The following BTD variants were observed in gnomAD, a reference collection of about 807,000 sequenced individuals.
BTD encodes the protein biotinidase, also known as biocytinase.
In BTD, 13 loss-of-function variants were observed where a neutral mutation model predicts 17.7. The observed-to-expected ratio is 0.74, with a 90% CI of 0.48 to 1.17. The LOEUF (loss-of-function observed/expected upper bound fraction) is 1.17, where lower values mean the gene tolerates loss of function less well. Ranked by LOEUF, BTD falls within the 50% of genes most tolerant of loss-of-function variation. The probability of loss-of-function intolerance (pLI) is 0.00; values close to 1 mark genes in which losing one functional copy is unlikely to be tolerated. For synonymous variants in BTD, 240 were observed against 245.2 expected, an observed-to-expected ratio of 0.98 and a Z score of 0.20; for missense variants, 674 against 650.4, an observed-to-expected ratio of 1.04 and a Z score of -0.39.
At chr3:15,703,958 C>T (rs1458288345) in intron 3 of BTD, among the ~76,000 whole-genome samples, 1 of 152,082 alleles carries the variant, frequency 6.6e-6, no homozygotes, top group Non-Finnish European at 1.5e-5. Context: ...TGATGGTTAT[C>T]TCAGGAGAGC....
downstream of BTD, among the ~76,000 whole-genome samples, chr3:15,658,527 AT>A (rs58540376): frequency 0.64 from 96,119 of 150,900 alleles, 31,218 homozygotes; most frequent in East Asian, 0.77. Flanking sequence ...CTTCAGACCG[AT>A]TTTTTTTTTT....
intron 1 of BTD, chr3:15,602,195 A>G (rs1181089546): frequency 1.4e-6 from 2 of 1,385,898 alleles, no homozygotes; most frequent in African/African-American, 2.9e-5. Flanking sequence ...TACCCCAGCA[A>G]GAGATAAAAT....
At chr3:15,655,462 T>A (rs999701817), downstream of BTD, among the ~76,000 whole-genome samples, 105 of 152,222 alleles carry the variant, frequency 6.9e-4, 9 homozygotes, top group Non-Finnish European at 7.3e-5. Flanking sequence ...GCAGTGTATA[T>A]TGAATAGTAA....
chr3:15,635,375 G>A lies in BTD; in HGVS notation c.-16-49G>A, dbSNP rs1280316754. 17 of 1,613,072 alleles carry A rather than the reference G, an allele frequency of 1.1e-5. No individual in the cohort carries two copies. The highest frequency in any genetic ancestry group is 1.4e-5 in the Non-Finnish European group (17 of 1,179,524). Reference sequence around the variant, plus strand: ...TCACAGCTGCAAACGTTAAATTCTTGGCAGGATTCTTTATTCAGCTGTTTT... The same window carrying A: ...TCACAGCTGCAAACGTTAAATTCTTAGCAGGATTCTTTATTCAGCTGTTTT... On this transcript the variant is annotated intron_variant, in intron 1 of 3. Transcript: ENST00000643237. The surrounding 1 kb of genome is among the most constrained non-coding windows in gnomAD (Gnocchi z 4.1).
intron 1 of BTD, among the ~76,000 whole-genome samples, chr3:15,611,882 T>TA (rs574506547): frequency 1.5e-4 from 23 of 152,116 alleles, no homozygotes; most frequent in Non-Finnish European, 1.9e-4. Flanking sequence ...TATTCTTTTT[T>TA]AAAAAAAATT....
At chr3:15,601,923 G>C in intron 1 of BTD, 29 bp downstream of exon 1, 1 of 1,611,590 alleles carries the variant, frequency 6.2e-7, no homozygotes. Context: ...GCGGCGCGGA[G>C]GGGGTGTGGT....
At chr3:15,609,408 T>C (rs999791478) in intron 1 of BTD, among the ~76,000 whole-genome samples, 6 of 152,218 alleles carry the variant, frequency 3.9e-5, no homozygotes, top group African/African-American at 9.6e-5. Flanking sequence ...TGGTCATTTT[T>C]AGTTTTTTTG....
chr3:15,628,564 AC>A (rs1559588311), intron 1 of BTD, among the ~76,000 whole-genome samples: 1 of 152,232 alleles, frequency 6.6e-6, no homozygotes, highest in African/African-American at 2.4e-5. Flanking sequence ...TAAAAGCAAT[AC>A]CTTGCTGACA....
chr3:15,714,775 T>C, downstream of BTD: 2 of 650,034 alleles, frequency 3.1e-6, no homozygotes, highest in Non-Finnish European at 4.8e-6. Flanking sequence ...GAATTAAGTT[T>C]AACTGAGGCC....
In BTD at chr3:15,645,270, G is replaced by A; in HGVS notation, c.1354G>A (p.Gly452Arg). The change falls in exon 4 of 4, where the codon GGA (glycine) becomes AGA (arginine). Residue 452 changes from glycine to arginine, a missense_variant. By Grantham distance (125) the Gly-to-Arg change is moderately radical (BLOSUM62 -2). Transcript: ENST00000643237. ...TGGGGGTCTTGGCTTCGACACCTGTGGACAGGAAATCACAGAGGCCACGGG... is the reference window on the plus strand; with the variant it reads ...TGGGGGTCTTGGCTTCGACACCTGTAGACAGGAAATCACAGAGGCCACGGG... ...RCGGLGFDTC[G>R]QEITEATGIF... 2 of 1,614,170 alleles carry A rather than the reference G, an allele frequency of 1.2e-6. No individual in the cohort carries two copies. Among genetic ancestry groups the A allele is most frequent in the Admixed American group, 1.7e-5 (1 of 60,020 alleles).
At chr3:15,688,513 G>A (rs530980558) in intron 3 of BTD, among the ~76,000 whole-genome samples, 32 of 152,304 alleles carry the variant, frequency 2.1e-4, no homozygotes, top group African/African-American at 7.5e-4. Flanking sequence ...ATATAGTAGT[G>A]TATATATGTT....
exon 4 of BTD, among the ~76,000 whole-genome samples, chr3:15,710,063 C>G (rs1485744427): frequency 1.3e-5 from 2 of 151,146 alleles, no homozygotes; most frequent in East Asian, 3.9e-4. Flanking sequence ...GAAACAGAGC[C>G]TCACTCTATA....
chr3:15,618,099 G>A (rs745603588), intron 1 of BTD, among the ~76,000 whole-genome samples: 2 of 152,134 alleles, frequency 1.3e-5, no homozygotes. Flanking sequence ...AGGACTATAG[G>A]CACACACCGC....
At chr3:15,717,496 T>C (rs948939603), downstream of BTD, among the ~76,000 whole-genome samples, 14 of 147,348 alleles carry the variant, frequency 9.5e-5, no homozygotes, top group African/African-American at 3.5e-4. Context: ...TCACCTCAAA[T>C]CACTTTAGCA....
At position 15,652,321 on chromosome 3, in the gene BTD, G is replaced by A. The variant is rs904712407; in HGVS notation, c.*6833G>A. On this transcript the variant is annotated 3_prime_UTR_variant, in exon 4 of 4. Coordinates refer to ENST00000643237, the MANE Select transcript of BTD (RefSeq NM_001370658.1). ...AGTCTGGGCAACAGAGCGACACTCCGTCTCCAAAAAAAAAAGATACTGCAG... is the reference window on the plus strand; with the variant it reads ...AGTCTGGGCAACAGAGCGACACTCCATCTCCAAAAAAAAAAGATACTGCAG... 3.3e-5 allele frequency among the ~76,000 whole-genome samples: 5 copies of A among 151,732 alleles called. No homozygotes were observed. Among genetic ancestry groups the A allele is most frequent in the African/African-American group, 4.8e-5 (2 of 41,324 alleles).
Position 15,645,996 on chromosome 3 carries a change from A to G in BTD, c.*508A>G, listed in dbSNP as rs937382512. ...AACCTTCCCATTCTGGTCGACCAGA[A>G]CTCTAGCCAGATGAAATGGCAATGC... On this transcript the variant is annotated 3_prime_UTR_variant, in exon 4 of 4. Transcript: ENST00000643237. The G allele has an allele frequency of 9.1e-5, 14 of 153,032 alleles. No homozygotes were observed. The highest frequency in any genetic ancestry group is 3.4e-4 in the African/African-American group (14 of 41,404). The allele number at this position is 153,032 out of a possible 1,614,324, so 9.5% of individuals were successfully genotyped here. A position where few individuals can be genotyped will look rare whatever the true frequency, so the allele number is the denominator to read the frequency against.
intron 3 of BTD, among the ~76,000 whole-genome samples, chr3:15,666,401 A>G (rs1241536608): frequency 2.0e-5 from 1 of 50,218 alleles, no homozygotes; most frequent in Non-Finnish European, 3.7e-5. Context: ...ACACTACTTC[A>G]TCTCCCCCTT....
At chr3:15,629,439 G>A (rs1320322738) in intron 1 of BTD, among the ~76,000 whole-genome samples, 4 of 152,106 alleles carry the variant, frequency 2.6e-5, no homozygotes, top group Admixed American at 2.6e-4. Flanking sequence ...CTCTGCTCTG[G>A]TCTGATCACC....
chr3:15,611,519 T>G (rs925630780), intron 1 of BTD, among the ~76,000 whole-genome samples: 5 of 152,230 alleles, frequency 3.3e-5, no homozygotes, highest in Non-Finnish European at 7.3e-5. Context: ...TTAGAAAGAA[T>G]TCTTCTAGAA....
Sources: gnomAD v4.1 joint callset for allele counts (sites outside exome capture counted in the v4.1 genomes callset) on GRCh38, gnomAD v4.1.1 for gene constraint, Gnocchi (gnomAD v3.1) non-coding constraint, MANE v1.5 for transcripts, NCBI Gene and HGNC (gene_info 2026-07-23, HGNC 2026-07-21) for gene names.